Variants in PPIH observed in about 807,000 individuals in gnomAD.
PPIH encodes peptidylprolyl isomerase H.
PPIH carries 16 observed loss-of-function variants against 27.6 expected under a neutral mutation model. The ratio of observed to expected loss-of-function variants is 0.58; its 90% CI spans 0.39 to 0.88. The LOEUF (loss-of-function observed/expected upper bound fraction) is 0.88. Among genes scored for constraint, PPIH ranks in the 40% least tolerant of loss-of-function variants. The pLI is 0.00. For missense variants in PPIH, 155 were observed against 224.1 expected (o/e 0.69, Z 1.97); for synonymous variants, 63 against 76.1 (o/e 0.83, Z 0.90).
Position 42,658,685 on chromosome 1 carries a change from C to A in PPIH, c.67-159C>A. On this transcript the variant is annotated intron_variant, in intron 1 of 9. Coordinates refer to ENST00000304979, the MANE Select transcript of PPIH (RefSeq NM_006347.4). ...AGGAGGAGGAGGAGTCTCCCCAATC[C>A]TAGCGCCCCGCTTCTGGAGGAACTG... 4.5e-6 allele frequency: 5 copies of A among 1,119,042 alleles called. No homozygotes were observed. The South Asian group carries it at 7.2e-5, about 16-fold the overall frequency. 69.3% of individuals were successfully genotyped at this position (1,119,042 alleles called of 1,614,324 possible).
intron 6 of PPIH, 113 bp downstream of exon 6, chr1:42,665,068 G>A: frequency 1.1e-6 from 1 of 880,928 alleles, no homozygotes; most frequent in Non-Finnish European, 1.8e-6. Flanking sequence ...CTCTTGCTTG[G>A]CCCAGGACTC....
chr1:42,659,000 C>T, intron 2 of PPIH, 92 bp downstream of exon 2: 1 of 1,430,914 alleles, frequency 7.0e-7, no homozygotes, highest in Non-Finnish European at 9.8e-7. Flanking sequence ...TCTGTCCGTC[C>T]GCTCACTGCT....
intron 4 of PPIH, among the ~76,000 whole-genome samples, chr1:42,660,586 C>T (rs528044158): frequency 6.8e-4 from 104 of 152,218 alleles, no homozygotes; most frequent in African/African-American, 2.3e-3. Flanking sequence ...TGTGCCACCA[C>T]GCTCGGCTAA....
In PPIH at chr1:42,666,462, A is replaced by G; in HGVS notation, c.425-85A>G. 5.9e-6 allele frequency: 8 copies of G among 1,360,996 alleles called. No homozygotes were observed. The South Asian group carries it at 8.2e-5, about 14-fold the overall frequency. 84.3% of individuals were successfully genotyped at this position (1,360,996 alleles called of 1,614,324 possible). ...TTCCTAAAGTTAGTATGAGGGTTTAATGAGAAAATAGCTAAGAATGGGCTT... is the reference window on the plus strand; with the variant it reads ...TTCCTAAAGTTAGTATGAGGGTTTAGTGAGAAAATAGCTAAGAATGGGCTT... On this transcript the variant is annotated intron_variant, in intron 7 of 9. Transcript: ENST00000304979.
chr1:42,661,728 T>C (rs1162690579), intron 5 of PPIH, among the ~76,000 whole-genome samples: 1 of 152,230 alleles, frequency 6.6e-6, no homozygotes, highest in Non-Finnish European at 1.5e-5. Flanking sequence ...TAAGACCTCT[T>C]TCCTTTCCTA....
intron 4 of PPIH, 134 bp downstream of exon 4, chr1:42,659,700 TGA>T: frequency 7.4e-7 from 1 of 1,349,540 alleles, no homozygotes; most frequent in South Asian, 1.5e-5. Flanking sequence ...ACTCAACAAC[TGA>T]AGATTTATTA....
intron 6 of PPIH, among the ~76,000 whole-genome samples, chr1:42,665,380 G>A (rs1426559008): frequency 6.6e-6 from 1 of 152,074 alleles, no homozygotes; most frequent in African/African-American, 2.4e-5. Flanking sequence ...ACTCCAGCCT[G>A]GGCAACAAGA....
intron 5 of PPIH, among the ~76,000 whole-genome samples, chr1:42,663,545 T>C (rs954218890): frequency 3.9e-5 from 6 of 151,972 alleles, no homozygotes; most frequent in African/African-American, 1.4e-4. Flanking sequence ...GGATTACAGG[T>C]ACCACCACCA....
At chr1:42,665,941 C>T (rs1385736386) in intron 6 of PPIH, 39 bp from the exon 7 acceptor site, 1 of 1,549,054 alleles carries the variant, frequency 6.5e-7, no homozygotes. Context: ...GCTAACATGG[C>T]CGGGGAAACT....
chr1:42,658,628 C>T lies in PPIH; in HGVS notation c.66+116C>T, dbSNP rs369783846. On this transcript the variant is annotated intron_variant, in intron 1 of 9. Coordinates refer to ENST00000304979, the MANE Select transcript of PPIH (RefSeq NM_006347.4). ...AAGCCAGCCAGAAAGTGAAATTGCA[C>T]CCGAACCTACCGACCTGCCGGGCGG... 45 of 1,253,910 alleles carry T rather than the reference C, an allele frequency of 3.6e-5. No homozygotes were observed. In the African/African-American group the frequency reaches 5.4e-4, roughly 15 times the overall value. The allele number at this position is 1,253,910 out of a possible 1,614,324, so 77.7% of individuals were successfully genotyped here.
intron 2 of PPIH, 72 bp downstream of exon 2, chr1:42,658,980 C>A (rs370011643): frequency 8.6e-6 from 13 of 1,513,502 alleles, no homozygotes; most frequent in Admixed American, 1.7e-5. Context: ...CCTGAAATAG[C>A]CTGTCTACCT....
chr1:42,666,191 G>T, intron 7 of PPIH, 124 bp downstream of exon 7: 1 of 902,536 alleles, frequency 1.1e-6, no homozygotes, highest in Non-Finnish European at 1.8e-6. Context: ...TGGTAATAGA[G>T]AAAACAGAAA....
At chr1:42,669,733 C>G (rs1649529165) in intron 9 of PPIH, among the ~76,000 whole-genome samples, 1 of 152,194 alleles carries the variant, frequency 6.6e-6, no homozygotes, top group African/African-American at 2.4e-5. Flanking sequence ...AATTATCAGT[C>G]TTTCACTGCT....
Position 42,668,127 on chromosome 1 carries a change from G to A in PPIH, c.*21+687G>A, listed in dbSNP as rs539195900. Among the ~76,000 whole-genome samples, 5 of 152,178 alleles carry A rather than the reference G, an allele frequency of 3.3e-5. No individual in the cohort carries two copies. In the East Asian group the frequency reaches 9.6e-4, roughly 29 times the overall value. ...TTGCCAAGTATGAGAAGAGTACAAGGGAGAAATCCATCACTTCCAGCCAGG... is the reference window on the plus strand; with the variant it reads ...TTGCCAAGTATGAGAAGAGTACAAGAGAGAAATCCATCACTTCCAGCCAGG... On this transcript the variant is annotated intron_variant, in intron 9 of 9. Transcript: ENST00000304979.
chr1:42,673,573 T>C (rs1649748320), intron 9 of PPIH, among the ~76,000 whole-genome samples: 1 of 152,224 alleles, frequency 6.6e-6, no homozygotes, highest in African/African-American at 2.4e-5. Context: ...GGGGCACTCG[T>C]TAAACCTACG....
intron 9 of PPIH, among the ~76,000 whole-genome samples, chr1:42,667,860 C>G (rs1649428239): frequency 6.6e-6 from 1 of 152,224 alleles, no homozygotes; most frequent in Non-Finnish European, 1.5e-5. Flanking sequence ...TGTCATGCCT[C>G]TCATCAGAAC....
intron 5 of PPIH, among the ~76,000 whole-genome samples, chr1:42,664,064 C>CA (rs1236668314): frequency 6.6e-6 from 1 of 152,054 alleles, no homozygotes; most frequent in Non-Finnish European, 1.5e-5. Context: ...GCTGGAAGAG[C>CA]AAGGAGATAA....
rs763321867 is a variant in PPIH, at chr1:42,659,457, A to C, written c.156-65A>C. ...AGGAGAGTCCTTTTGGCTCCAGTGC[A>C]TGGTAAACTGGAAAGGCCTTGTGCT... On this transcript the variant is annotated intron_variant, in intron 3 of 9. Transcript: ENST00000304979. 7.4e-6 allele frequency: 12 copies of C among 1,614,158 alleles called. No individual in the cohort carries two copies. In the African/African-American group the frequency reaches 1.1e-4, roughly 14 times the overall value.
intron 9 of PPIH, among the ~76,000 whole-genome samples, chr1:42,675,595 G>A (rs1471522639): frequency 6.6e-6 from 1 of 152,140 alleles, no homozygotes; most frequent in Non-Finnish European, 1.5e-5. Flanking sequence ...TTGCTTGAGG[G>A]CCCACAGTTA....
Sources: allele counts gnomAD v4.1 joint callset (sites outside exome capture counted in the v4.1 genomes callset), GRCh38; gene constraint gnomAD v4.1.1; transcripts MANE v1.5; gene names NCBI Gene and HGNC (gene_info 2026-07-23, HGNC 2026-07-21).